DSE: variants seen among roughly 807,000 people sequenced by gnomAD.
DSE encodes dermatan sulfate epimerase, also known as dermatan-sulfate epimerase.
DSE carries 36 observed loss-of-function variants against 84.4 expected under a neutral mutation model. That is an observed-to-expected ratio of 0.43 (90% CI 0.33 to 0.56). The LOEUF (loss-of-function observed/expected upper bound fraction) is 0.56, where lower values mean the gene tolerates loss of function less well. DSE is among the 20% of genes least tolerant of loss of function. The probability of loss-of-function intolerance (pLI) is 0.06; values close to 1 mark genes in which losing one functional copy is unlikely to be tolerated. For synonymous variants in DSE, 410 were observed against 430.1 expected (o/e 0.95, Z 0.58); for missense variants, 862 against 1,169.6 (o/e 0.74, Z 3.84).
intron 2 of DSE, among the ~76,000 whole-genome samples, chr6:116,289,235 T>C (rs979222390): frequency 1.3e-5 from 2 of 151,966 alleles, no homozygotes; most frequent in African/African-American, 4.8e-5. Context: ...GGTAAAATGG[T>C]AAGGTATAAT....
intron 2 of DSE, among the ~76,000 whole-genome samples, chr6:116,422,528 T>C (rs1040861965): frequency 6.6e-6 from 1 of 152,248 alleles, no homozygotes; most frequent in Non-Finnish European, 1.5e-5. Flanking sequence ...ATGACTTCTT[T>C]TGTTTGTAAC....
upstream of DSE, chr6:116,370,199 A>T (rs560856397): frequency 2.0e-4 from 53 of 261,580 alleles, no homozygotes; most frequent in East Asian, 1.4e-3. Flanking sequence ...TCTCTCTCTC[A>T]CACACACACA....
intron 2 of DSE, among the ~76,000 whole-genome samples, chr6:116,293,677 A>G (rs894149421): frequency 6.6e-6 from 1 of 152,134 alleles, no homozygotes; most frequent in African/African-American, 2.4e-5. Flanking sequence ...AAAGGCAACA[A>G]GATTGCTTGA....
chr6:116,297,848 C>T (rs1774766229), intron 2 of DSE, among the ~76,000 whole-genome samples: 1 of 152,224 alleles, frequency 6.6e-6, no homozygotes, highest in Non-Finnish European at 1.5e-5. Flanking sequence ...TCTATGATCA[C>T]TAGGCTCTTA....
At chr6:116,272,049 T>C (rs1772903597) in intron 2 of DSE, among the ~76,000 whole-genome samples, 1 of 152,244 alleles carries the variant, frequency 6.6e-6, no homozygotes, top group Non-Finnish European at 1.5e-5. Flanking sequence ...CTAGTGAATT[T>C]CATATACATG....
chr6:116,337,116 G>A (rs1777299495), intron 2 of DSE, among the ~76,000 whole-genome samples: 1 of 152,098 alleles, frequency 6.6e-6, no homozygotes, highest in Admixed American at 6.6e-5. Context: ...GAAACACAAA[G>A]CACAAAGAGT....
At chr6:116,289,972 A>G (rs1774176560) in intron 2 of DSE, among the ~76,000 whole-genome samples, 1 of 152,156 alleles carries the variant, frequency 6.6e-6, no homozygotes, top group African/African-American at 2.4e-5. Flanking sequence ...AATATTTACT[A>G]CATAATAGAT....
chr6:116,303,026 A>G (rs968325964), intron 2 of DSE, among the ~76,000 whole-genome samples: 3 of 152,300 alleles, frequency 2.0e-5, no homozygotes, highest in Non-Finnish European at 4.4e-5. Flanking sequence ...TACCTGTACC[A>G]TGCAAAATCA....
chr6:116,433,715 T>C (rs1178797019), intron 5 of DSE, among the ~76,000 whole-genome samples, 165 bp downstream of exon 5: 1 of 152,224 alleles, frequency 6.6e-6, no homozygotes, highest in African/African-American at 2.4e-5. Context: ...TATCACTGTT[T>C]TTGAAACTCT....
At chr6:116,258,912 A>G (rs1406255780) in exon 2 of DSE, 4 of 1,580,070 alleles carry the variant, frequency 2.5e-6, no homozygotes, top group Non-Finnish European at 3.5e-6. Context: ...GGCGCTCCAC[A>G]ATGGGACACT....
intron 2 of DSE, among the ~76,000 whole-genome samples, chr6:116,270,303 A>T (rs1224925327): frequency 6.6e-6 from 1 of 152,198 alleles, no homozygotes; most frequent in Non-Finnish European, 1.5e-5. Context: ...AAAATGGTTA[A>T]CAACAAGAGC....
At chr6:116,303,001 A>G (rs1033152208) in intron 2 of DSE, among the ~76,000 whole-genome samples, 5 of 152,104 alleles carry the variant, frequency 3.3e-5, no homozygotes, top group Non-Finnish European at 7.4e-5. Context: ...ACTGGTCTAT[A>G]TATATCTGTT....
At chr6:116,258,368 T>G (rs1772235649) in intron 1 of DSE, 2 of 620,722 alleles carry the variant, frequency 3.2e-6, no homozygotes, top group Admixed American at 2.5e-5. Context: ...TTCTTGAAAT[T>G]CATATTGTAT....
chr6:116,426,979 T>G, intron 3 of DSE, 152 bp downstream of exon 3: 1 of 1,035,338 alleles, frequency 9.7e-7, no homozygotes. Context: ...ACAGTATCAC[T>G]TAGTTAATTG....
chr6:116,424,414 G>C (rs1464928564), intron 2 of DSE, among the ~76,000 whole-genome samples: 1 of 152,138 alleles, frequency 6.6e-6, no homozygotes, highest in Non-Finnish European at 1.5e-5. Flanking sequence ...AGTCTTTTTA[G>C]CACCAAACAC....
In DSE at chr6:116,427,071, T is replaced by C. The variant is rs114810936; in HGVS notation, c.670+244T>C. Among the ~76,000 whole-genome samples the C allele has an allele frequency of 2.9e-3, 434 of 152,272 alleles. 4 individuals are homozygous for C. Among genetic ancestry groups the C allele is most frequent in the African/African-American group, 0.01 (421 of 41,556 alleles). ...TGGCTTATGATGATCCCAGAACAAA[T>C]CCTCACAGCTCAGGGTCAGTGATAA... On this transcript the variant is annotated intron_variant, in intron 3 of 5. Transcript: ENST00000644252.
At chr6:116,340,275 T>C (rs1291353023) in intron 2 of DSE, among the ~76,000 whole-genome samples, 2 of 152,214 alleles carry the variant, frequency 1.3e-5, no homozygotes, top group African/African-American at 4.8e-5. Flanking sequence ...TATATTGGTA[T>C]ACTTGATGTC....
At chr6:116,423,279 G>A (rs1473134984) in intron 2 of DSE, 2 of 152,186 alleles carry the variant, frequency 1.3e-5, no homozygotes, top group Admixed American at 6.5e-5. Flanking sequence ...ATAACTTACT[G>A]TAAAAAATTG....
intron 1 of DSE, among the ~76,000 whole-genome samples, chr6:116,382,494 T>C (rs1179010939): frequency 6.6e-6 from 1 of 152,216 alleles, no homozygotes; most frequent in Non-Finnish European, 1.5e-5. Context: ...AAAGATATTT[T>C]GTTTTCTTCC....
Sources: allele counts gnomAD v4.1 joint callset (sites outside exome capture counted in the v4.1 genomes callset), GRCh38; gene constraint gnomAD v4.1.1; transcripts MANE v1.5; gene names NCBI Gene and HGNC (gene_info 2026-07-23, HGNC 2026-07-21).